FGF14: variants seen among roughly 807,000 people sequenced by gnomAD.
FGF14 encodes fibroblast growth factor homologous factor 4.
A neutral mutation model predicts 25.5 loss-of-function variants in FGF14; 5 were observed. The observed-to-expected ratio is 0.20, with a 90% confidence interval of 0.10 to 0.41. FGF14 has a LOEUF of 0.41. Ranked by LOEUF, FGF14 falls within the 10% of genes least tolerant of loss-of-function variation. The pLI is 1.00. For missense variants in FGF14, 222 were observed against 320.1 expected (o/e 0.69, Z 2.34); for synonymous variants, 138 against 118.3 (o/e 1.17, Z -1.08).
At chr13:101,779,581 T>A (rs1260827957) in intron 3 of FGF14, among the ~76,000 whole-genome samples, 1 of 152,208 alleles carries the variant, frequency 6.6e-6, no homozygotes, top group Non-Finnish European at 1.5e-5. Context: ...TTTGAAATAT[T>A]TCTCAAATAT....
intron 1 of FGF14, among the ~76,000 whole-genome samples, chr13:102,126,879 G>A (rs1409417296): frequency 6.6e-6 from 1 of 152,112 alleles, no homozygotes; most frequent in Non-Finnish European, 1.5e-5. Flanking sequence ...GGTGGTAGAC[G>A]GGATTGGCAG....
intron 1 of FGF14, among the ~76,000 whole-genome samples, chr13:101,978,520 A>ATATC (rs1270345340): frequency 2.0e-5 from 3 of 152,218 alleles, no homozygotes; most frequent in Non-Finnish European, 4.4e-5. Flanking sequence ...ATTTTTCTAA[A>ATATC]AAATGAGGTT....
At chr13:102,090,782 C>A (rs143933909) in intron 1 of FGF14, among the ~76,000 whole-genome samples, 1 of 152,216 alleles carries the variant, frequency 6.6e-6, no homozygotes, top group South Asian at 2.1e-4. Flanking sequence ...CGGCGAGATG[C>A]CTTCCTCAAT....
At chr13:102,320,717 A>G (rs540301039) in intron 1 of FGF14, among the ~76,000 whole-genome samples, 2 of 152,338 alleles carry the variant, frequency 1.3e-5, no homozygotes, top group African/African-American at 4.8e-5. Context: ...ATAGCTGAGC[A>G]GCATCTATCT....
At chr13:102,047,672 C>A (rs377393240) in intron 1 of FGF14, among the ~76,000 whole-genome samples, 5 of 151,808 alleles carry the variant, frequency 3.3e-5, no homozygotes, top group African/African-American at 4.8e-5. Context: ...CACACCGGGG[C>A]CTGTTGTGGG....
At chr13:102,324,715 T>C (rs1478833703) in intron 1 of FGF14, among the ~76,000 whole-genome samples, 1 of 152,216 alleles carries the variant, frequency 6.6e-6, no homozygotes, top group Admixed American at 6.5e-5. Context: ...TTGTTTTACA[T>C]ATTAGGAAAC....
intron 1 of FGF14, among the ~76,000 whole-genome samples, chr13:102,361,323 A>G: frequency 6.6e-6 from 1 of 152,164 alleles, no homozygotes; most frequent in Non-Finnish European, 1.5e-5. Context: ...GAAGGACATC[A>G]AGTTGGAAAA....
chr13:101,786,800 C>G (rs1032798057), intron 3 of FGF14, among the ~76,000 whole-genome samples: 7 of 152,164 alleles, frequency 4.6e-5, no homozygotes, highest in Non-Finnish European at 2.9e-5. Context: ...TCATCTGATT[C>G]TTGTGTATTC....
intron 1 of FGF14, among the ~76,000 whole-genome samples, chr13:102,123,715 A>G (rs17688748): frequency 0.13 from 19,467 of 152,160 alleles, 1,611 homozygotes; most frequent in East Asian, 0.47. Context: ...TAGCTTTAAA[A>G]TAAGTGATTC....
chr13:102,154,346 A>T (rs990840886), intron 1 of FGF14, among the ~76,000 whole-genome samples: 2 of 151,662 alleles, frequency 1.3e-5, no homozygotes, highest in Non-Finnish European at 2.9e-5. Context: ...GCCAGAAGAG[A>T]GTGGGGGCCA....
intron 1 of FGF14, among the ~76,000 whole-genome samples, chr13:101,932,092 T>C (rs1238294752): frequency 6.6e-6 from 1 of 152,234 alleles, no homozygotes; most frequent in Non-Finnish European, 1.5e-5. Context: ...TGGAAACGCA[T>C]TTCTTTCATA....
intron 1 of FGF14, among the ~76,000 whole-genome samples, chr13:102,132,557 A>C (rs1457804764): frequency 2.0e-5 from 3 of 149,108 alleles, no homozygotes; most frequent in Non-Finnish European, 4.4e-5. Context: ...GCCTGAGTGC[A>C]GTGGCATGAT....
chr13:101,831,342 A>C (rs936866117), intron 3 of FGF14, among the ~76,000 whole-genome samples: 10 of 151,852 alleles, frequency 6.6e-5, no homozygotes, highest in African/African-American at 2.4e-4. Context: ...TTGGCCTCCC[A>C]AAGTGCTGAA....
upstream of FGF14, among the ~76,000 whole-genome samples, chr13:101,921,389 G>A (rs3903771): frequency 0.31 from 46,535 of 151,962 alleles, 7,828 homozygotes; most frequent in East Asian, 0.73. Context: ...ACGAACTACT[G>A]TTCTTCCTTC....
intron 3 of FGF14, among the ~76,000 whole-genome samples, chr13:101,753,803 CAA>C (rs34402522): frequency 1.7e-4 from 19 of 110,602 alleles, no homozygotes; most frequent in East Asian, 1.3e-3. Flanking sequence ...AACTCCGTCT[CAA>C]AAAAAAAAAA....
chr13:102,130,407 C>A (rs1261689128), intron 1 of FGF14, among the ~76,000 whole-genome samples: 1 of 152,126 alleles, frequency 6.6e-6, no homozygotes, highest in Non-Finnish European at 1.5e-5. Flanking sequence ...ATGGGTTGAA[C>A]CTTTCACGTA....
intron 1 of FGF14, among the ~76,000 whole-genome samples, chr13:102,041,595 A>AAAAAAAAAAAAAAAAG (rs1175485223): frequency 6.7e-6 from 1 of 149,850 alleles, no homozygotes; most frequent in African/African-American, 2.5e-5. Flanking sequence ...AAAAAAAAAA[A>AAAAAAAAAAAAAAAAG]AGAGAGATTT....
chr13:102,323,954 A>AGT (rs1555401220), intron 1 of FGF14, among the ~76,000 whole-genome samples: 66 of 103,852 alleles, frequency 6.4e-4, no homozygotes, highest in Non-Finnish European at 1.1e-3. Flanking sequence ...CCCAACGTGC[A>AGT]GTATGTGTGT....
intron 1 of FGF14, among the ~76,000 whole-genome samples, chr13:102,108,132 G>T (rs1368169961): frequency 1.3e-5 from 2 of 152,078 alleles, no homozygotes; most frequent in African/African-American, 4.8e-5. Flanking sequence ...CATAGTTTAT[G>T]CTATTTTTTC....
Sources: allele counts gnomAD v4.1 joint callset (sites outside exome capture counted in the v4.1 genomes callset), GRCh38; gene constraint gnomAD v4.1.1; transcripts MANE v1.5; gene names NCBI Gene and HGNC (gene_info 2026-07-23, HGNC 2026-07-21).